CARD9: variants seen among roughly 807,000 people sequenced by gnomAD.
CARD9 encodes caspase recruitment domain-containing protein 9.
Under a neutral mutation model 66.0 loss-of-function variants are expected in CARD9, and 53 were observed. That is an observed-to-expected ratio of 0.80 (90% CI 0.64 to 1.01). CARD9 has a LOEUF of 1.01. CARD9 is among the 50% of genes least tolerant of loss of function. The pLI is 0.00. For synonymous variants in CARD9, 387 were observed against 313.8 expected (o/e 1.23, Z -2.47); for missense variants, 769 against 743.2 (o/e 1.03, Z -0.40).
intron 8 of CARD9, 141 bp from the exon 9 acceptor site, chr9:136,367,398 C>A: frequency 2.8e-6 from 3 of 1,072,924 alleles, no homozygotes; most frequent in Non-Finnish European, 4.1e-6. Flanking sequence ...ATGCCCAGAA[C>A]AACCTGCTAG....
Position 136,364,354 on chromosome 9 carries a change from T to G in CARD9, c.1559A>C (p.Glu520Ala), listed in dbSNP as rs1588718884. 6.4e-7 allele frequency: 1 copy of G among 1,570,330 alleles called. No homozygotes were observed. Among genetic ancestry groups the G allele is most frequent in the East Asian group, 2.3e-5 (1 of 42,942 alleles). The change falls in exon 13 of 13, where the codon GAG becomes GCG. Residue 520 changes from glutamate (E) to alanine (A), a missense_variant. By Grantham distance (107) the Glu-to-Ala change is moderately radical (BLOSUM62 -1). Transcript: ENST00000371732. The part of the protein sequence containing the change: ...KMQKGWRQGE[E>A]DRENTTGSDN... The stretch of plus-strand genomic sequence containing the variant: ...GCTGCCCGTGGTGTTCTCCCGGTCC[T>G]CCTCCCCCTGCCGCCATCCTTTCTG...
chr9:136,368,092 C>A, intron 7 of CARD9: 1 of 1,249,362 alleles, frequency 8.0e-7, no homozygotes, highest in Non-Finnish European at 1.0e-6. Context: ...TATGTACCCC[C>A]ACACGTGCAC....
At chr9:136,371,622 G>A (rs1480150020) in intron 2 of CARD9, among the ~76,000 whole-genome samples, 161 bp from the exon 3 acceptor site, 1 of 152,186 alleles carries the variant, frequency 6.6e-6, no homozygotes, top group South Asian at 2.1e-4. Context: ...GTACTAGGCT[G>A]GGGACCAAGT....
rs760975182 is a variant in CARD9, at chr9:136,370,597, C to T, written c.732G>A (p.Gln244=). The stretch of plus-strand genomic sequence containing the variant: ...CCTGCTGCAGCTCCCACAGCAGCTC[C>T]TGGCTGGGCCGCTGCTCCATGGCGT... The part of the protein sequence containing the change: ...LRHAMEQRPS[Q]ELLWELQQEK... The change falls in exon 5 of 13, where the codon CAG becomes CAA. Residue 244 remains glutamine (Q), a synonymous_variant. Coordinates refer to ENST00000371732, the MANE Select transcript of CARD9 (RefSeq NM_052813.5). 1.9e-6 allele frequency: 3 copies of T among 1,612,554 alleles called. No homozygotes were observed. Among genetic ancestry groups the T allele is most frequent in the Admixed American group, 1.7e-5 (1 of 60,014 alleles).
Position 136,370,905 on chromosome 9 carries a change from C to A in CARD9, c.563G>T (p.Arg188Leu), listed in dbSNP as rs766903486. The change falls in exon 4 of 13, where the codon CGC becomes CTC. Residue 188 changes from arginine (R) to leucine (L), a missense_variant. Coordinates refer to ENST00000371732, the MANE Select transcript of CARD9 (RefSeq NM_052813.5). The part of the protein sequence containing the change: ...CKEENYDLAM[R>L]LAHQSEEKGA... ...CTTCTCCTCACTCTGGTGCGCCAGG[C>A]GCATGGCCAGGTCGTAGTTCTCCTC... 3 of 1,611,230 alleles carry A rather than the reference C, an allele frequency of 1.9e-6. No individual in the cohort carries two copies. In the South Asian group the frequency reaches 3.3e-5, roughly 18 times the overall value.
chr9:136,364,263 C>A lies in CARD9; in HGVS notation c.*39G>T, dbSNP rs1480826227. On this transcript the variant is annotated 3_prime_UTR_variant, in exon 13 of 13. Transcript: ENST00000371732. ...CACCCCCGGGTGGCAGGAGGCCGGG[C>A]CGGTGGGTGTGCCCTGGTCGGGGCC... The A allele has an allele frequency of 6.4e-7, 1 of 1,550,694 alleles. No homozygotes were observed. The highest frequency in any genetic ancestry group is 2.0e-5 in the Admixed American group (1 of 51,022).
At chr9:136,367,616 T>C (rs775135852) in intron 8 of CARD9, 21 bp downstream of exon 8, 1 of 1,557,664 alleles carries the variant, frequency 6.4e-7, no homozygotes, top group Admixed American at 1.8e-5. Context: ...CTCCCCTCCC[T>C]GCCGCAGGCC....
In CARD9 at chr9:136,367,718, C is replaced by T. The variant is rs1215915690; in HGVS notation, c.1188G>A (p.Gln396=). 3 of 1,604,862 alleles carry T rather than the reference C, an allele frequency of 1.9e-6. No homozygotes were observed. The highest frequency in any genetic ancestry group is 2.5e-6 in the Non-Finnish European group (3 of 1,179,320). ...RELGEKADEL[Q]LQVFQCEAQL... The stretch of plus-strand genomic sequence containing the variant: ...GCGCCTCACACTGGAACACCTGCAG[C>T]TGCAGCTCATCCGCCTTCTCGCCCA... The change falls in exon 8 of 13, where the codon CAG becomes CAA. Residue 396 remains glutamine, a synonymous_variant. Coordinates refer to ENST00000371732, the MANE Select transcript of CARD9 (RefSeq NM_052813.5).
In CARD9 at chr9:136,364,100, A is replaced by G. The variant is rs568187393; in HGVS notation, c.*202T>C. Reference sequence around the variant, plus strand: ...GTGCATGGGGGTGGTGAGCACCCGCATGGCCTCCGCAAAATGAGTGCCGCT... The same window carrying G: ...GTGCATGGGGGTGGTGAGCACCCGCGTGGCCTCCGCAAAATGAGTGCCGCT... On this transcript the variant is annotated 3_prime_UTR_variant, in exon 13 of 13. Transcript: ENST00000371732. 2 of 1,550,496 alleles carry G rather than the reference A, an allele frequency of 1.3e-6. No homozygotes were observed. The highest frequency in any genetic ancestry group is 1.7e-6 in the Non-Finnish European group (2 of 1,146,868).
intron 7 of CARD9, among the ~76,000 whole-genome samples, chr9:136,368,370 C>T (rs1362200485): frequency 1.3e-5 from 2 of 152,258 alleles, no homozygotes; most frequent in Admixed American, 6.5e-5. Context: ...TGGGAGCCCC[C>T]GCCCTGGGAG....
chr9:136,372,102 G>C lies in CARD9; in HGVS notation c.-16-8C>G. On this transcript the variant is annotated splice_region_variant and splice_polypyrimidine_tract_variant and intron_variant, in intron 1 of 12. Transcript: ENST00000371732. ...ATGGCCTCAGCAGGCAGGCTGGGGA[G>C]TGTGGGGCAGTGCTGAGAGCGATGC... The C allele has an allele frequency of 6.2e-7, 1 of 1,611,872 alleles. No individual in the cohort carries two copies. Among genetic ancestry groups the C allele is most frequent in the East Asian group, 2.2e-5 (1 of 44,880 alleles).
rs1833051300 is a variant in CARD9 at position 136,364,092 on chromosome 9, G to C, written c.*210C>G. On this transcript the variant is annotated 3_prime_UTR_variant, in exon 13 of 13. Transcript: ENST00000371732. ...GATGGCGTGTGCATGGGGGTGGTGAGCACCCGCATGGCCTCCGCAAAATGA... is the reference window on the plus strand; with the variant it reads ...GATGGCGTGTGCATGGGGGTGGTGACCACCCGCATGGCCTCCGCAAAATGA... 1 of 1,550,150 alleles carries C rather than the reference G, an allele frequency of 6.5e-7. No individual in the cohort carries two copies. Among genetic ancestry groups the C allele is most frequent in the Non-Finnish European group, 8.7e-7 (1 of 1,146,680 alleles).
At chr9:136,364,688 A>T in intron 11 of CARD9, 129 bp from the exon 12 acceptor site, 1 of 902,426 alleles carries the variant, frequency 1.1e-6, no homozygotes. Flanking sequence ...GCCTCAGCTC[A>T]GCGCCAAGCT....
intron 10 of CARD9, chr9:136,366,042 T>A (rs57295785): frequency 6.5e-6 from 1 of 152,744 alleles, no homozygotes; most frequent in South Asian, 2.0e-4. Flanking sequence ...CTTCCGCCTC[T>A]GCTTGGAGGC....
Position 136,364,020 on chromosome 9 carries a change from G to C in CARD9, c.*282C>G, listed in dbSNP as rs1168401515. On this transcript the variant is annotated 3_prime_UTR_variant, in exon 13 of 13. Transcript: ENST00000371732. ...TCTAACACTAATACAATGCATGCAT[G>C]TATTGTGTGTTACATGGTGAAACAG... The C allele has an allele frequency of 2.9e-6, 4 of 1,374,896 alleles. No individual in the cohort carries two copies. The African/African-American group carries it at 4.3e-5, about 15-fold the overall frequency. The allele number at this position is 1,374,896 out of a possible 1,614,324, so 85.2% of individuals were successfully genotyped here.
rs1032375764 is a variant in CARD9 at position 136,364,279 on chromosome 9, G to A, written c.*23C>T. ...GAGGCCGGGCCGGTGGGTGTGCCCT[G>A]GTCGGGGCCTGCGCTGCTGCGGCTA... On this transcript the variant is annotated 3_prime_UTR_variant, in exon 13 of 13. Transcript: ENST00000371732. 2 of 1,551,840 alleles carry A rather than the reference G, an allele frequency of 1.3e-6. No homozygotes were observed. The highest frequency in any genetic ancestry group is 3.9e-5 in the Admixed American group (2 of 51,118).
chr9:136,372,171 A>G, intron 1 of CARD9, 77 bp from the exon 2 acceptor site: 1 of 1,564,586 alleles, frequency 6.4e-7, no homozygotes, highest in South Asian at 1.1e-5. Flanking sequence ...TCCTTCTCAG[A>G]CGCTGGGCCA....
intron 2 of CARD9, 53 bp from the exon 3 acceptor site, chr9:136,371,514 T>TGGGGG: frequency 2.8e-6 from 1 of 361,754 alleles, no homozygotes; most frequent in Non-Finnish European, 4.8e-6. Context: ...GGCAGAGGGC[T>TGGGGG]GGGGTGGGTG....
chr9:136,371,530 G>T, intron 2 of CARD9, 69 bp from the exon 3 acceptor site: 1 of 1,517,288 alleles, frequency 6.6e-7, no homozygotes, highest in Non-Finnish European at 8.9e-7. Context: ...GGGTGGGCCT[G>T]GGGGCAGGGA....
Sources: allele counts gnomAD v4.1 joint callset (sites outside exome capture counted in the v4.1 genomes callset), GRCh38; gene constraint gnomAD v4.1.1; transcripts MANE v1.5; gene names NCBI Gene and HGNC (gene_info 2026-07-23, HGNC 2026-07-21).